The following SLC35F2 variants were observed in gnomAD, a reference collection of about 807,000 sequenced individuals.
The protein encoded by SLC35F2 is solute carrier family 35 member F2, also known as queuine/queuosine transporter SLC35F2.
A neutral mutation model predicts 38.1 loss-of-function variants in SLC35F2; 25 were observed. The ratio of observed to expected loss-of-function variants is 0.66; its 90% CI spans 0.48 to 0.92. The LOEUF (loss-of-function observed/expected upper bound fraction) is 0.92. Ranked by LOEUF, SLC35F2 falls within the 40% of genes least tolerant of loss-of-function variation. The pLI is 0.00. For missense variants in SLC35F2, 409 were observed against 452.9 expected, an observed-to-expected ratio of 0.90 and a Z score of 0.88; for synonymous variants, 173 against 181.7, an observed-to-expected ratio of 0.95 and a Z score of 0.38.
At chr11:107,838,291 G>C (rs1859960827) in intron 1 of SLC35F2, among the ~76,000 whole-genome samples, 2 of 152,044 alleles carry the variant, frequency 1.3e-5, no homozygotes, top group Admixed American at 6.6e-5. Flanking sequence ...ATGTGTGTGG[G>C]TGCCATACTA....
At chr11:107,804,609 C>T (rs944393934) in intron 6 of SLC35F2, 109 bp downstream of exon 6, 2 of 832,392 alleles carry the variant, frequency 2.4e-6, no homozygotes, top group Non-Finnish European at 3.8e-6. Context: ...TTAAATCACT[C>T]CTGGATTTTA....
rs1273517401 is a variant in SLC35F2 at position 107,792,782 on chromosome 11, G to C, written c.958C>G (p.Leu320Val). The C allele has an allele frequency of 4.4e-6, 7 of 1,584,176 alleles. No homozygotes were observed. The highest frequency in any genetic ancestry group is 1.4e-5 in the African/African-American group (1 of 74,000). Residue 320 changes from leucine to valine, a missense_variant, in exon 8 of 8, where the codon CTG (leucine) becomes GTG (valine). By Grantham distance (32) the Leu-to-Val change is conservative. Coordinates refer to ENST00000525815, the MANE Select transcript of SLC35F2 (RefSeq NM_017515.5). ...CCCACCATGATGACAGTGAAGGACA[G>C]GATGTAGAGTCCTGAAAACTAGAAG... Reference protein sequence around the residue: ...FGYKFSGLYILSFTVIMVGFI... With the variant: ...FGYKFSGLYIVSFTVIMVGFI...
At chr11:107,850,549 C>T (rs760943853) in intron 1 of SLC35F2, among the ~76,000 whole-genome samples, 3 of 152,070 alleles carry the variant, frequency 2.0e-5, no homozygotes, top group South Asian at 2.1e-4. Context: ...AGGCCGGGCA[C>T]GGTGGCTCAC....
chr11:107,796,280 A>AT (rs1317183968), intron 7 of SLC35F2, among the ~76,000 whole-genome samples: 1 of 152,228 alleles, frequency 6.6e-6, no homozygotes, highest in African/African-American at 2.4e-5. Flanking sequence ...CTGGGTATTT[A>AT]TCCAAAGGAA....
At chr11:107,794,534 A>G (rs1859187796) in intron 7 of SLC35F2, among the ~76,000 whole-genome samples, 1 of 152,224 alleles carries the variant, frequency 6.6e-6, no homozygotes, top group Non-Finnish European at 1.5e-5. Flanking sequence ...TGGAAAAGCA[A>G]ACTCAACTTA....
At chr11:107,848,820 T>C (rs961026764) in intron 1 of SLC35F2, among the ~76,000 whole-genome samples, 4 of 152,192 alleles carry the variant, frequency 2.6e-5, no homozygotes, top group Middle Eastern at 3.2e-3. Flanking sequence ...TTGTTTCCCA[T>C]GGTGAACCCT....
intron 1 of SLC35F2, among the ~76,000 whole-genome samples, chr11:107,820,537 G>C (rs1375903505): frequency 6.6e-6 from 1 of 151,972 alleles, no homozygotes; most frequent in African/African-American, 2.4e-5. Context: ...ATAACAGGTG[G>C]GTCATCCCTC....
intron 6 of SLC35F2, 65 bp from the exon 7 acceptor site, chr11:107,803,220 G>A: frequency 6.7e-7 from 1 of 1,489,568 alleles, no homozygotes. Flanking sequence ...GGAGTTTGAG[G>A]CTTAGCTGTC....
chr11:107,836,909 C>A (rs1205457287), intron 1 of SLC35F2, among the ~76,000 whole-genome samples: 1 of 152,138 alleles, frequency 6.6e-6, no homozygotes, highest in South Asian at 2.1e-4. Context: ...TATTTACATT[C>A]ATCTCAGCGA....
chr11:107,856,113 AAAAAAAAAAAG>A (rs1469220097), intron 1 of SLC35F2, among the ~76,000 whole-genome samples: 1 of 151,294 alleles, frequency 6.6e-6, no homozygotes, highest in Non-Finnish European at 1.5e-5. Context: ...CTCAAAAAAA[AAAAAAAAAAAG>A]AAGAAGAAGA....
intron 1 of SLC35F2, among the ~76,000 whole-genome samples, chr11:107,847,744 A>C (rs111964962): frequency 2.1e-4 from 32 of 152,326 alleles, no homozygotes; most frequent in African/African-American, 7.5e-4. Context: ...AAGATTTCCT[A>C]AGTTGGTGCT....
chr11:107,828,972 G>T (rs1372853763), intron 1 of SLC35F2, among the ~76,000 whole-genome samples: 1 of 150,824 alleles, frequency 6.6e-6, no homozygotes, highest in Non-Finnish European at 1.5e-5. Flanking sequence ...GCCAGGAGTG[G>T]TGGTGCACGC....
At position 107,792,583 on chromosome 11, in the gene SLC35F2, C is replaced by A; in HGVS notation, c.*32G>T. ...AGCAGGCAGCAGGCTCTGCTTTATCCTGGTGGGGGATGGGTGCGCCATCTT... is the reference window on the plus strand; with the variant it reads ...AGCAGGCAGCAGGCTCTGCTTTATCATGGTGGGGGATGGGTGCGCCATCTT... On this transcript the variant is annotated 3_prime_UTR_variant, in exon 8 of 8. Coordinates refer to ENST00000525815, the MANE Select transcript of SLC35F2 (RefSeq NM_017515.5). 1 of 1,572,352 alleles carries A rather than the reference C, an allele frequency of 6.4e-7. No individual in the cohort carries two copies. Among genetic ancestry groups the A allele is most frequent in the South Asian group, 1.2e-5 (1 of 82,320 alleles).
In SLC35F2 at chr11:107,841,509, G is replaced by C. The variant is rs116319600; in HGVS notation, c.110+17149C>G. On this transcript the variant is annotated intron_variant, in intron 1 of 7. Coordinates refer to ENST00000525815, the MANE Select transcript of SLC35F2 (RefSeq NM_017515.5). ...ATCCAGGAGGCGGAGGCCACAGTGAGCGGAGACTGTGCCACTGCACTCCAG... is the reference window on the plus strand; with the variant it reads ...ATCCAGGAGGCGGAGGCCACAGTGACCGGAGACTGTGCCACTGCACTCCAG... Among the ~76,000 whole-genome samples, 1,344 of 146,926 alleles carry C rather than the reference G, an allele frequency of 9.1e-3. 15 individuals carry two copies. Among genetic ancestry groups the C allele is most frequent in the African/African-American group, 0.032 (1,280 of 39,570 alleles).
intron 3 of SLC35F2, among the ~76,000 whole-genome samples, chr11:107,809,049 C>T (rs577621810): frequency 6.6e-6 from 1 of 152,246 alleles, no homozygotes; most frequent in Non-Finnish European, 1.5e-5. Flanking sequence ...GCTGTGTGGC[C>T]CCAGCCAGTC....
intron 7 of SLC35F2, 84 bp from the exon 8 acceptor site, chr11:107,792,884 T>A: frequency 1.4e-6 from 2 of 1,414,990 alleles, no homozygotes; most frequent in South Asian, 3.4e-5. Flanking sequence ...CTTCGAGGAT[T>A]ACCCTCTCAT....
chr11:107,833,994 T>C (rs190971993), intron 1 of SLC35F2, among the ~76,000 whole-genome samples: 173 of 152,380 alleles, frequency 1.1e-3, no homozygotes, highest in African/African-American at 4.1e-3. Context: ...ATAGATGCTA[T>C]GCCGGACACG....
chr11:107,806,906 AC>A (rs1247781148), intron 3 of SLC35F2, 30 bp from the exon 4 acceptor site: 1 of 1,601,322 alleles, frequency 6.2e-7, no homozygotes, highest in East Asian at 2.2e-5. Flanking sequence ...ACAGTTTAAA[AC>A]ATATCTCTCA....
intron 1 of SLC35F2, among the ~76,000 whole-genome samples, chr11:107,842,502 G>A (rs919341803): frequency 2.0e-5 from 3 of 151,636 alleles, no homozygotes; most frequent in African/African-American, 7.3e-5. Context: ...TACAGGAAAT[G>A]TGCCACCATA....
Sources: allele counts gnomAD v4.1 joint callset (sites outside exome capture counted in the v4.1 genomes callset), GRCh38; gene constraint gnomAD v4.1.1; transcripts MANE v1.5; gene names NCBI Gene and HGNC (gene_info 2026-07-23, HGNC 2026-07-21).